The following FAM184A variants were observed in gnomAD, a reference collection of about 807,000 sequenced individuals.
FAM184A encodes protein FAM184A.
A neutral mutation model predicts 143.8 loss-of-function variants in FAM184A; 99 were observed. The ratio of observed to expected loss-of-function variants is 0.69; its 90% CI spans 0.58 to 0.81. The LOEUF is 0.81. Among genes scored for constraint, FAM184A ranks in the 40% least tolerant of loss-of-function variants. The pLI is 0.00. For missense variants in FAM184A, 1,217 were observed against 1,310.5 expected (o/e 0.93, Z 1.10); for synonymous variants, 427 against 446.4 (o/e 0.96, Z 0.55).
At chr6:119,013,703 A>C (rs1274949736) in intron 5 of FAM184A, among the ~76,000 whole-genome samples, 1 of 152,244 alleles carries the variant, frequency 6.6e-6, no homozygotes, top group African/African-American at 2.4e-5. Flanking sequence ...AAGTTTAGTA[A>C]GAAATAACAT....
chr6:119,027,885 CA>C (rs956828428), intron 1 of FAM184A, among the ~76,000 whole-genome samples: 1 of 152,154 alleles, frequency 6.6e-6, no homozygotes, highest in Non-Finnish European at 1.5e-5. Context: ...TCTAGCAAGT[CA>C]GCATTTTTCT....
intron 1 of FAM184A, among the ~76,000 whole-genome samples, chr6:119,089,411 C>G (rs1788314421): frequency 1.3e-5 from 2 of 151,842 alleles, no homozygotes; most frequent in Admixed American, 6.6e-5. Flanking sequence ...CAACTGGTCT[C>G]AAACTCCTGA....
chr6:119,092,198 C>T (rs981008407), intron 1 of FAM184A, among the ~76,000 whole-genome samples: 2 of 152,192 alleles, frequency 1.3e-5, no homozygotes, highest in Admixed American at 6.5e-5. Context: ...AGTGCAGTGG[C>T]ATAACCATGG....
chr6:119,020,123 T>C lies in FAM184A; in HGVS notation c.1187A>G (p.Gln396Arg). ...TTCTAAATCTTTAATTGTAACTTCCTGGGTCATTTGAGTTGCTTGAAGCAT... is the reference window on the plus strand; with the variant it reads ...TTCTAAATCTTTAATTGTAACTTCCCGGGTCATTTGAGTTGCTTGAAGCAT... ...IGMLQATQMTQEVTIKDLESE... is the reference protein window; with the variant it reads ...IGMLQATQMTREVTIKDLESE... Residue 396 changes from glutamine to arginine, a missense_variant, in exon 4 of 18, where the codon CAG (glutamine) becomes CGG (arginine). Physicochemically the swap from Gln to Arg is conservative, Grantham distance 43. Coordinates refer to ENST00000338891, the MANE Select transcript of FAM184A (RefSeq NM_024581.6). 1 of 1,602,182 alleles carries C rather than the reference T, an allele frequency of 6.2e-7. No homozygotes were observed. The highest frequency in any genetic ancestry group is 8.5e-7 in the Non-Finnish European group (1 of 1,176,534).
chr6:119,056,674 C>T (rs1054532128), intron 1 of FAM184A, among the ~76,000 whole-genome samples: 1 of 152,164 alleles, frequency 6.6e-6, no homozygotes, highest in African/African-American at 2.4e-5. Context: ...ATGTTCACAA[C>T]ATGCCAAGCA....
chr6:119,140,304 T>C (rs1281267526), intron 1 of FAM184A, among the ~76,000 whole-genome samples: 1 of 152,146 alleles, frequency 6.6e-6, no homozygotes, highest in Non-Finnish European at 1.5e-5. Flanking sequence ...CGTGTCTTTA[T>C]TGTTTGCCAT....
At chr6:118,966,554 T>C (rs1404848422) in intron 15 of FAM184A, among the ~76,000 whole-genome samples, 1 of 151,996 alleles carries the variant, frequency 6.6e-6, no homozygotes, top group Non-Finnish European at 1.5e-5. Context: ...CAATGGTATA[T>C]TAATTGTATA....
At chr6:119,130,287 T>C (rs596609) in intron 1 of FAM184A, among the ~76,000 whole-genome samples, 5 of 152,188 alleles carry the variant, frequency 3.3e-5, no homozygotes, top group African/African-American at 1.2e-4. Flanking sequence ...CAGAAAACAG[T>C]ATATTGTTTC....
intron 1 of FAM184A, among the ~76,000 whole-genome samples, chr6:119,072,707 T>C (rs1024305803): frequency 2.0e-5 from 3 of 152,172 alleles, no homozygotes; most frequent in Non-Finnish European, 4.4e-5. Context: ...TTCTGAAGTG[T>C]CAAATACTTA....
chr6:118,996,165 A>G (rs1318629498), intron 9 of FAM184A, among the ~76,000 whole-genome samples: 1 of 152,210 alleles, frequency 6.6e-6, no homozygotes, highest in African/African-American at 2.4e-5. Flanking sequence ...ATTTAGATCA[A>G]TTCAGAAAAC....
chr6:119,028,178 C>G (rs147871532), intron 1 of FAM184A, among the ~76,000 whole-genome samples: 2 of 152,088 alleles, frequency 1.3e-5, no homozygotes, highest in African/African-American at 4.8e-5. Context: ...GCTGGCTGGT[C>G]CCCCCCTGCT....
intron 16 of FAM184A, 28 bp from the exon 17 acceptor site, chr6:118,961,991 T>C (rs1414919450): frequency 1.0e-5 from 16 of 1,552,512 alleles, no homozygotes; most frequent in East Asian, 4.5e-5. Context: ...CATGTGAGGA[T>C]AGTCCCTGCA....
chr6:119,016,582 A>G (rs1785263228), intron 5 of FAM184A, among the ~76,000 whole-genome samples, 165 bp downstream of exon 5: 4 of 152,042 alleles, frequency 2.6e-5, no homozygotes, highest in Admixed American at 2.0e-4. Flanking sequence ...GAACATCAGA[A>G]GGGGCAGACT....
chr6:118,965,205 G>GTTTTTTTT (rs5879475), intron 15 of FAM184A, among the ~76,000 whole-genome samples: 3 of 131,030 alleles, frequency 2.3e-5, no homozygotes, highest in Non-Finnish European at 4.8e-5. Context: ...TTTTTTGTTT[G>GTTTTTTTT]TTTTTTTTTT....
At chr6:119,007,968 C>T (rs1784977229) in intron 6 of FAM184A, among the ~76,000 whole-genome samples, 1 of 150,702 alleles carries the variant, frequency 6.6e-6, no homozygotes, top group Non-Finnish European at 1.5e-5. Flanking sequence ...ATTCTAGTAA[C>T]AATGTAAAGA....
intron 1 of FAM184A, among the ~76,000 whole-genome samples, chr6:119,034,797 A>G (rs1786049128): frequency 6.6e-6 from 1 of 152,132 alleles, no homozygotes; most frequent in East Asian, 1.9e-4. Flanking sequence ...GGCACATTTC[A>G]TCAGTGGGCT....
At chr6:119,085,927 C>T (rs569755737) in intron 1 of FAM184A, among the ~76,000 whole-genome samples, 17 of 152,068 alleles carry the variant, frequency 1.1e-4, no homozygotes, top group Non-Finnish European at 2.5e-4. Flanking sequence ...CATAATAAGT[C>T]ACCCATTCAT....
At chr6:119,030,307 T>C (rs1181531377) in intron 1 of FAM184A, among the ~76,000 whole-genome samples, 1 of 152,132 alleles carries the variant, frequency 6.6e-6, no homozygotes, top group Non-Finnish European at 1.5e-5. Context: ...GAATGCTACA[T>C]ATGAATTTTC....
intron 1 of FAM184A, among the ~76,000 whole-genome samples, chr6:119,101,302 C>T (rs1388855433): frequency 6.6e-6 from 1 of 152,002 alleles, no homozygotes; most frequent in Non-Finnish European, 1.5e-5. Context: ...GAACTCCCAA[C>T]CTCCGGTGAT....
Sources: allele counts gnomAD v4.1 joint callset (sites outside exome capture counted in the v4.1 genomes callset), GRCh38; gene constraint gnomAD v4.1.1; transcripts MANE v1.5; gene names NCBI Gene and HGNC (gene_info 2026-07-23, HGNC 2026-07-21).